Variants in ARHGEF38 observed in about 807,000 individuals in gnomAD.
ARHGEF38 encodes Rho guanine nucleotide exchange factor (GEF) 38.
A neutral mutation model predicts 79.9 loss-of-function variants in ARHGEF38; 79 were observed. The observed-to-expected ratio is 0.99, with a 90% CI of 0.82 to 1.19. The LOEUF is 1.19. Among genes scored for constraint, ARHGEF38 ranks in the 50% most tolerant of loss-of-function variants. The probability of loss-of-function intolerance (pLI) is 0.00; values close to 1 mark genes in which losing one functional copy is unlikely to be tolerated. For synonymous variants in ARHGEF38, 366 were observed against 328.3 expected, an observed-to-expected ratio of 1.11 and a Z score of -1.24; for missense variants, 962 against 907.2, an observed-to-expected ratio of 1.06 and a Z score of -0.78.
At chr4:105,644,041 A>C (rs928623751) in intron 5 of ARHGEF38, among the ~76,000 whole-genome samples, 2 of 150,782 alleles carry the variant, frequency 1.3e-5, no homozygotes, top group East Asian at 3.9e-4. Context: ...TAACTTTTGT[A>C]TTTTTTTCTA....
intron 6 of ARHGEF38, among the ~76,000 whole-genome samples, chr4:105,647,606 C>T (rs1729905013): frequency 6.6e-6 from 1 of 152,092 alleles, no homozygotes; most frequent in Non-Finnish European, 1.5e-5. Context: ...GAATATTTTC[C>T]TTTTTGTTAG....
chr4:105,561,520 G>C (rs986694786), intron 1 of ARHGEF38: 1 of 149,478 alleles, frequency 6.7e-6, no homozygotes, highest in African/African-American at 2.5e-5. Context: ...GAATAGAATA[G>C]AATAGAATAG....
At chr4:105,574,546 T>C (rs1331128343) in intron 1 of ARHGEF38, among the ~76,000 whole-genome samples, 3 of 68,078 alleles carry the variant, frequency 4.4e-5, no homozygotes, top group East Asian at 5.4e-4. Context: ...CAAGACTCCA[T>C]CTCAAAAAAA....
Position 105,601,613 on chromosome 4 carries a change from C to G in ARHGEF38, c.385-11771C>G, listed in dbSNP as rs140876263. ...GTCCTATGGGAGGAGTATTTACCCT[C>G]CTCAATTCCTGTTAGACATTGGCTA... On this transcript the variant is annotated intron_variant, in intron 2 of 13. Transcript: ENST00000420470. Among the ~76,000 whole-genome samples the G allele has an allele frequency of 6.4e-3, 969 of 152,198 alleles. 9 individuals carry two copies. Among genetic ancestry groups the G allele is most frequent in the African/African-American group, 0.022 (929 of 41,532 alleles).
chr4:105,667,122 C>G lies in ARHGEF38; in HGVS notation c.1690-7C>G. ...TCTAAACCAAAACTTCTCCTTATTT[C>G]TCCCAGCCAGAAATGCCACATCAAA... On this transcript the variant is annotated splice_polypyrimidine_tract_variant and splice_region_variant and intron_variant, in intron 11 of 13. Transcript: ENST00000420470. 14 of 1,527,866 alleles carry G rather than the reference C, an allele frequency of 9.2e-6. No homozygotes were observed. Among genetic ancestry groups the G allele is most frequent in the Non-Finnish European group, 1.2e-5 (14 of 1,141,198 alleles). 94.6% of individuals were successfully genotyped at this position (1,527,866 alleles called of 1,614,324 possible).
At chr4:105,666,114 A>G (rs1239066762) in intron 10 of ARHGEF38, 63 bp from the exon 11 acceptor site, 2 of 1,409,898 alleles carry the variant, frequency 1.4e-6, no homozygotes, top group Non-Finnish European at 1.9e-6. Flanking sequence ...AACTCAATAC[A>G]TTTAACACCT....
At chr4:105,632,180 A>C (rs2110519462) in intron 4 of ARHGEF38, among the ~76,000 whole-genome samples, 1 of 152,262 alleles carries the variant, frequency 6.6e-6, no homozygotes, top group African/African-American at 2.4e-5. Flanking sequence ...TTTTTTTTTA[A>C]ATAAATAAAA....
At chr4:105,658,273 G>T (rs1730418310) in intron 9 of ARHGEF38, among the ~76,000 whole-genome samples, 1 of 152,124 alleles carries the variant, frequency 6.6e-6, no homozygotes, top group South Asian at 2.1e-4. Context: ...GCCAAGCGTG[G>T]TGATACATTC....
At chr4:105,625,711 C>A (rs1226707335) in intron 3 of ARHGEF38, among the ~76,000 whole-genome samples, 1 of 152,180 alleles carries the variant, frequency 6.6e-6, no homozygotes, top group Non-Finnish European at 1.5e-5. Context: ...ATTACATGGC[C>A]ATACCAATTG....
intron 4 of ARHGEF38, 116 bp from the exon 5 acceptor site, chr4:105,636,287 C>T (rs1012895858): frequency 2.2e-5 from 4 of 179,582 alleles, no homozygotes; most frequent in Non-Finnish European, 4.5e-5. Context: ...ATAAGGCATT[C>T]ATGAAAATTA....
intron 13 of ARHGEF38, 74 bp downstream of exon 13, chr4:105,667,777 T>A: frequency 6.8e-7 from 1 of 1,473,514 alleles, no homozygotes; most frequent in Non-Finnish European, 9.0e-7. Flanking sequence ...TCTATAATAC[T>A]GTAACACTTG....
chr4:105,574,761 T>G (rs199314), intron 1 of ARHGEF38, among the ~76,000 whole-genome samples: 147,652 of 152,088 alleles, frequency 0.97, 71,678 homozygotes, highest in East Asian at 1. Context: ...GGTACAAGTC[T>G]TTTTTGGTTA....
intron 5 of ARHGEF38, among the ~76,000 whole-genome samples, chr4:105,643,175 T>TAAA: frequency 6.6e-6 from 1 of 151,850 alleles, no homozygotes; most frequent in African/African-American, 2.4e-5. Context: ...GTTTTCAGTA[T>TAAA]TTATAATAGA....
At chr4:105,577,670 T>C (rs575607190) in intron 1 of ARHGEF38, among the ~76,000 whole-genome samples, 24 of 152,240 alleles carry the variant, frequency 1.6e-4, no homozygotes, top group Non-Finnish European at 2.4e-4. Context: ...GTTGTATGTT[T>C]CCAGGAATGT....
intron 1 of ARHGEF38, among the ~76,000 whole-genome samples, chr4:105,586,510 T>A (rs1011155441): frequency 6.6e-6 from 1 of 152,182 alleles, no homozygotes; most frequent in Non-Finnish European, 1.5e-5. Flanking sequence ...AAATCTGATG[T>A]AGTACATTTT....
Position 105,552,724 on chromosome 4 carries a change from C to T in ARHGEF38, c.-42C>T. On this transcript the variant is annotated 5_prime_UTR_variant, in exon 1 of 14. Transcript: ENST00000420470. The stretch of plus-strand genomic sequence containing the variant: ...CCTCACCCTGAGGCACCTTAGCAAT[C>T]AGCCATTGCCTGCAAGCCTCCAAAG... 1.3e-6 allele frequency: 2 copies of T among 1,518,006 alleles called. No homozygotes were observed. The highest frequency in any genetic ancestry group is 1.3e-5 in the South Asian group (1 of 79,976). The allele number at this position is 1,518,006 out of a possible 1,614,324, so 94.0% of individuals were successfully genotyped here. A position where few individuals can be genotyped will look rare whatever the true frequency, so the allele number is the denominator to read the frequency against.
intron 3 of ARHGEF38, among the ~76,000 whole-genome samples, chr4:105,615,758 T>C (rs548016071): frequency 6.6e-6 from 1 of 152,318 alleles, no homozygotes; most frequent in South Asian, 2.1e-4. Context: ...CTGTAACACA[T>C]GGTAAACTCT....
intron 13 of ARHGEF38, among the ~76,000 whole-genome samples, chr4:105,670,506 A>T (rs557800934): frequency 6.6e-6 from 1 of 151,896 alleles, no homozygotes; most frequent in Admixed American, 6.6e-5. Context: ...TTATTTTCCC[A>T]TTGTAAGAGT....
Position 105,561,464 on chromosome 4 carries a change from A to AATGGAATGGAATG in ARHGEF38, c.196+8503_196+8504insATGGAATGGAATG, listed in dbSNP as rs1578253558. The AATGGAATGGAATG allele has an allele frequency of 2.3e-3, 101 of 44,598 alleles. 13 individuals are homozygous for AATGGAATGGAATG. Among genetic ancestry groups the AATGGAATGGAATG allele is most frequent in the African/African-American group, 9.0e-3 (96 of 10,660 alleles). 2.8% of individuals were successfully genotyped at this position (44,598 alleles called of 1,614,324 possible). A position where few individuals can be genotyped will look rare whatever the true frequency, so the allele number is the denominator to read the frequency against. ...AGAATAGAATGGAATAGAATAGAAT[A>AATGGAATGGAATG]GAATAGAATAGAATAGAATAGAATA... On this transcript the variant is annotated intron_variant, in intron 1 of 13. Coordinates refer to ENST00000420470, the MANE Select transcript of ARHGEF38 (RefSeq NM_001242729.2).
Sources: allele counts gnomAD v4.1 joint callset (sites outside exome capture counted in the v4.1 genomes callset), GRCh38; gene constraint gnomAD v4.1.1; transcripts MANE v1.5; gene names NCBI Gene and HGNC (gene_info 2026-07-23, HGNC 2026-07-21).